Variants in ASCC2 observed in about 807,000 individuals in gnomAD.
The protein encoded by ASCC2 is activating signal cointegrator 1 complex subunit 2.
In ASCC2, 42 loss-of-function variants were observed where a neutral mutation model predicts 93.5. The observed-to-expected ratio is 0.45, with a 90% CI of 0.35 to 0.58. The LOEUF (loss-of-function observed/expected upper bound fraction) is 0.58, where lower values mean the gene tolerates loss of function less well. Among genes scored for constraint, ASCC2 ranks in the 20% least tolerant of loss-of-function variants. The pLI is 0.00. For synonymous variants in ASCC2, 364 were observed against 384.2 expected (o/e 0.95, Z 0.62); for missense variants, 859 against 977.6 (o/e 0.88, Z 1.62).
intron 6 of ASCC2, chr22:29,815,104 G>A (rs1280297726): frequency 4.2e-6 from 1 of 236,106 alleles, no homozygotes; most frequent in African/African-American, 2.4e-5. Flanking sequence ...AGACCAGCCT[G>A]GGCAACATGG....
At chr22:29,813,651 T>C in intron 7 of ASCC2, 109 bp from the exon 8 acceptor site, 1 of 737,382 alleles carries the variant, frequency 1.4e-6, no homozygotes, top group South Asian at 1.7e-5. Flanking sequence ...GGCAGGATGT[T>C]ACACAGGAGG....
intron 1 of ASCC2, chr22:29,834,556 A>C (rs1170027365): frequency 2.1e-6 from 1 of 471,060 alleles, no homozygotes; most frequent in Non-Finnish European, 4.4e-6. Flanking sequence ...GTGGCCTGAA[A>C]AAAAATCACA....
intron 5 of ASCC2, among the ~76,000 whole-genome samples, chr22:29,820,397 C>T (rs941015785): frequency 2.6e-5 from 4 of 151,894 alleles, no homozygotes; most frequent in East Asian, 3.9e-4. Context: ...CTCCTGACCT[C>T]GTGATTTGCC....
chr22:29,813,179 C>T (rs1271258301), intron 8 of ASCC2, among the ~76,000 whole-genome samples: 1 of 152,146 alleles, frequency 6.6e-6, no homozygotes, highest in Non-Finnish European at 1.5e-5. Context: ...ACGCGCCCAG[C>T]CCATTGTATG....
chr22:29,827,899 GAC>G (rs5844872), intron 2 of ASCC2, among the ~76,000 whole-genome samples: 18,227 of 39,924 alleles, frequency 0.46, 5,580 homozygotes, highest in Non-Finnish European at 0.54. Context: ...TCATTCTTCT[GAC>G]ACACACACAC....
rs2147265484 is a variant in ASCC2 at position 29,788,923 on chromosome 22, T to C, written c.*90A>G. On this transcript the variant is annotated 3_prime_UTR_variant, in exon 20 of 20. Coordinates refer to ENST00000307790, the MANE Select transcript of ASCC2 (RefSeq NM_032204.5). Reference sequence around the variant, plus strand: ...AGGCTGTTGAGGGGTTGAGTTGAACTTGGGGCCCCTAGTGAGGAGGCCCCA... The same window carrying C: ...AGGCTGTTGAGGGGTTGAGTTGAACCTGGGGCCCCTAGTGAGGAGGCCCCA... 3 of 1,539,172 alleles carry C rather than the reference T, an allele frequency of 1.9e-6. No individual in the cohort carries two copies. Among genetic ancestry groups the C allele is most frequent in the African/African-American group, 1.4e-5 (1 of 73,000 alleles).
At position 29,825,621 on chromosome 22, in the gene ASCC2, C is replaced by G; in HGVS notation, c.240+1G>C. ...TAGCGTTAATTTTGATAGAATGTTA[C>G]CTGGCACCAGAATTTATCGTGAGGC... On this transcript the variant is annotated splice_donor_variant, in intron 3 of 19. Coordinates refer to ENST00000307790, the MANE Select transcript of ASCC2 (RefSeq NM_032204.5). LOFTEE classifies it high-confidence loss of function. The surrounding 1 kb of genome is among the most constrained non-coding windows in gnomAD (Gnocchi z 4.9). The G allele has an allele frequency of 1.2e-6, 2 of 1,614,206 alleles. No individual in the cohort carries two copies. Among genetic ancestry groups the G allele is most frequent in the Non-Finnish European group, 1.7e-6 (2 of 1,180,044 alleles).
intron 5 of ASCC2, chr22:29,816,622 A>G (rs2060881767): frequency 6.6e-6 from 1 of 152,320 alleles, no homozygotes; most frequent in African/African-American, 2.4e-5. Flanking sequence ...GAGAGGCCTG[A>G]GAAGGACTTG....
chr22:29,836,085 A>G (rs1239814313), intron 1 of ASCC2, among the ~76,000 whole-genome samples: 2 of 152,112 alleles, frequency 1.3e-5, no homozygotes, highest in Non-Finnish European at 2.9e-5. Flanking sequence ...GCTTGAGCCC[A>G]GGAGATTGAG....
rs1479257528 is a variant in ASCC2, at chr22:29,801,121, G to T, written c.1569-11C>A. 1 of 1,584,794 alleles carries T rather than the reference G, an allele frequency of 6.3e-7. No individual in the cohort carries two copies. Among genetic ancestry groups the T allele is most frequent in the Admixed American group, 1.7e-5 (1 of 58,876 alleles). On this transcript the variant is annotated splice_polypyrimidine_tract_variant and intron_variant, in intron 14 of 19. Coordinates refer to ENST00000307790, the MANE Select transcript of ASCC2 (RefSeq NM_032204.5). ...TCTGGTTTCATTTCTCTGGGTGGGGGACACAGAGATCAATTTAAGGGGGCC... is the reference window on the plus strand; with the variant it reads ...TCTGGTTTCATTTCTCTGGGTGGGGTACACAGAGATCAATTTAAGGGGGCC...
intron 2 of ASCC2, among the ~76,000 whole-genome samples, chr22:29,826,913 C>T (rs1239990047): frequency 2.0e-5 from 3 of 151,802 alleles, no homozygotes; most frequent in Non-Finnish European, 2.9e-5. Context: ...CTGGCTAGCA[C>T]AGTGAAACCC....
At chr22:29,837,949 T>C (rs2064062945) in intron 1 of ASCC2, among the ~76,000 whole-genome samples, 1 of 152,156 alleles carries the variant, frequency 6.6e-6, no homozygotes, top group South Asian at 2.1e-4. Flanking sequence ...TGTGAGGACG[T>C]GGGGGGATCG....
chr22:29,801,125 CAG>C lies in ASCC2; in HGVS notation c.1569-17_1569-16del, dbSNP rs759498431. ...GTTTCATTTCTCTGGGTGGGGGACA[CAG>C]AGATCAATTTAAGGGGGCCCTGCCA... On this transcript the variant is annotated splice_polypyrimidine_tract_variant and intron_variant, in intron 14 of 19. Transcript: ENST00000307790. 2 of 1,583,128 alleles carry C rather than the reference CAG, an allele frequency of 1.3e-6. No homozygotes were observed. Among genetic ancestry groups the C allele is most frequent in the Admixed American group, 3.4e-5 (2 of 58,722 alleles).
intron 2 of ASCC2, among the ~76,000 whole-genome samples, chr22:29,829,631 G>A (rs5997535): frequency 0.33 from 49,615 of 151,628 alleles, 8,836 homozygotes; most frequent in East Asian, 0.58. Flanking sequence ...CCCGGGAGGC[G>A]GAGGTTGCAG....
intron 13 of ASCC2, 102 bp from the exon 14 acceptor site, chr22:29,802,310 A>G: frequency 8.5e-7 from 1 of 1,182,716 alleles, no homozygotes; most frequent in South Asian, 1.4e-5. Flanking sequence ...ATCTGGTTCA[A>G]GTCCTGGGAT....
At chr22:29,837,376 T>C (rs1300439058) in intron 1 of ASCC2, among the ~76,000 whole-genome samples, 32 of 151,922 alleles carry the variant, frequency 2.1e-4, no homozygotes, top group Admixed American at 2.1e-3. Context: ...GAGGTTGCAG[T>C]GGGACGAGAT....
intron 15 of ASCC2, among the ~76,000 whole-genome samples, chr22:29,797,789 G>C (rs993603573): frequency 2.6e-5 from 4 of 152,180 alleles, no homozygotes; most frequent in Admixed American, 2.6e-4. Context: ...TTTTGAGACA[G>C]GGTTTCACTC....
chr22:29,815,078 T>C (rs1406221908), intron 6 of ASCC2: 8 of 260,552 alleles, frequency 3.1e-5, no homozygotes, highest in Non-Finnish European at 5.1e-5. Context: ...GGGGATCATT[T>C]GAGGCCGGAA....
rs775225292 is a variant in ASCC2, at chr22:29,808,204, G to C, written c.834-19C>G. ...AGCTAGTCTGTGCAGGCACACACAGGGAAAATGTTGGATTAGTTCATAAAT... is the reference window on the plus strand; with the variant it reads ...AGCTAGTCTGTGCAGGCACACACAGCGAAAATGTTGGATTAGTTCATAAAT... On this transcript the variant is annotated intron_variant, in intron 8 of 19. Transcript: ENST00000307790. 1 of 1,612,496 alleles carries C rather than the reference G, an allele frequency of 6.2e-7. No individual in the cohort carries two copies. The highest frequency in any genetic ancestry group is 1.1e-5 in the South Asian group (1 of 90,944).
Sources: allele counts gnomAD v4.1 joint callset (sites outside exome capture counted in the v4.1 genomes callset), GRCh38; gene constraint gnomAD v4.1.1; non-coding constraint Gnocchi (gnomAD v3.1); transcripts MANE v1.5; gene names NCBI Gene and HGNC (gene_info 2026-07-23, HGNC 2026-07-21).